The following XKR9 variants were observed in gnomAD, a reference collection of about 807,000 sequenced individuals.
XKR9 encodes the protein XK related 9.
A neutral mutation model predicts 32.0 loss-of-function variants in XKR9; 32 were observed. The ratio of observed to expected loss-of-function variants is 1.00; its 90% CI spans 0.76 to 1.34. The LOEUF (loss-of-function observed/expected upper bound fraction) is 1.34. Among genes scored for constraint, XKR9 ranks in the 40% most tolerant of loss-of-function variants. The pLI, the probability that XKR9 is intolerant of heterozygous loss-of-function variation, is 0.00. For missense variants in XKR9, 546 were observed against 429.7 expected (o/e 1.27, Z -2.39); for synonymous variants, 168 against 143.4 (o/e 1.17, Z -1.22).
intron 2 of XKR9, among the ~76,000 whole-genome samples, chr8:70,679,472 A>G (rs932621511): frequency 2.0e-5 from 3 of 152,192 alleles, no homozygotes; most frequent in African/African-American, 7.2e-5. Flanking sequence ...TGAAAAGAAT[A>G]CATCTAGGGA....
chr8:70,837,334 T>C, the XKR9 span, among the ~76,000 whole-genome samples: 2 of 152,116 alleles, frequency 1.3e-5, no homozygotes, highest in East Asian at 3.8e-4. Flanking sequence ...CACAGCTTTT[T>C]GGGTTTAAGA....
At chr8:70,952,846 G>A in the XKR9 span, among the ~76,000 whole-genome samples, 1 of 152,336 alleles carries the variant, frequency 6.6e-6, no homozygotes, top group East Asian at 1.9e-4. Context: ...TACTCAAAGT[G>A]TGGCCTGAGA....
At chr8:70,808,310 A>G in the XKR9 span, among the ~76,000 whole-genome samples, 1 of 152,180 alleles carries the variant, frequency 6.6e-6, no homozygotes, top group Admixed American at 6.5e-5. Context: ...CCACATCAGA[A>G]AGCTAAAAAA....
At chr8:70,744,315 A>T (rs1475226206) in intron 2 of XKR9, among the ~76,000 whole-genome samples, 1 of 152,168 alleles carries the variant, frequency 6.6e-6, no homozygotes, top group Non-Finnish European at 1.5e-5. Flanking sequence ...CGCCTCAAAA[A>T]AAAAAAATCT....
chr8:70,698,993 G>C (rs1393267217), intron 3 of XKR9, among the ~76,000 whole-genome samples: 1 of 152,082 alleles, frequency 6.6e-6, no homozygotes, highest in Non-Finnish European at 1.5e-5. Flanking sequence ...TTTTATCAGA[G>C]ACTAGGATTG....
chr8:70,818,792 G>C, the XKR9 span, among the ~76,000 whole-genome samples: 1 of 152,166 alleles, frequency 6.6e-6, no homozygotes, highest in African/African-American at 2.4e-5. Context: ...GTCATTACTA[G>C]GGAATTGGGT....
the XKR9 span, among the ~76,000 whole-genome samples, chr8:70,797,696 C>T: frequency 6.6e-6 from 1 of 152,030 alleles, no homozygotes; most frequent in East Asian, 1.9e-4. Context: ...TTTCCATCTT[C>T]ACTCCCCTAA....
At chr8:70,795,794 G>T in the XKR9 span, among the ~76,000 whole-genome samples, 1 of 152,016 alleles carries the variant, frequency 6.6e-6, no homozygotes, top group East Asian at 1.9e-4. Flanking sequence ...TTTGAAAACT[G>T]TCTGTTCATG....
At chr8:70,880,939 C>T in the XKR9 span, among the ~76,000 whole-genome samples, 3 of 152,166 alleles carry the variant, frequency 2.0e-5, no homozygotes, top group African/African-American at 7.2e-5. Flanking sequence ...TCAAATGGAA[C>T]AGAACCGAGG....
chr8:70,962,799 C>G, the XKR9 span, among the ~76,000 whole-genome samples: 1 of 152,148 alleles, frequency 6.6e-6, no homozygotes, highest in African/African-American at 2.4e-5. Flanking sequence ...ATTTCTCTGT[C>G]TCTCATTCTT....
intron 3 of XKR9, among the ~76,000 whole-genome samples, chr8:70,695,826 C>T (rs1805250771): frequency 6.8e-6 from 1 of 147,932 alleles, no homozygotes; most frequent in African/African-American, 2.5e-5. Flanking sequence ...TCTCCACATC[C>T]TCTCCAGCAC....
the XKR9 span, among the ~76,000 whole-genome samples, chr8:71,017,587 G>A: frequency 6.6e-6 from 1 of 152,144 alleles, no homozygotes; most frequent in South Asian, 2.1e-4. Context: ...CAACTCTAAG[G>A]GGTGTTGATG....
At chr8:70,847,778 T>C in the XKR9 span, among the ~76,000 whole-genome samples, 10 of 151,936 alleles carry the variant, frequency 6.6e-5, no homozygotes, top group South Asian at 1.9e-3. Context: ...CATGAAGAAA[T>C]AGAAAACCTC....
At chr8:71,033,762 T>C in the XKR9 span, among the ~76,000 whole-genome samples, 15 of 152,156 alleles carry the variant, frequency 9.9e-5, no homozygotes, top group African/African-American at 3.6e-4. Flanking sequence ...TCCTTCCACT[T>C]TCTGCCATGA....
the XKR9 span, among the ~76,000 whole-genome samples, chr8:71,010,644 C>T: frequency 1.3e-5 from 2 of 152,046 alleles, no homozygotes; most frequent in African/African-American, 2.4e-5. Flanking sequence ...ACATGGACCC[C>T]GATTCTATTG....
At chr8:70,976,279 G>C in the XKR9 span, among the ~76,000 whole-genome samples, 1 of 152,162 alleles carries the variant, frequency 6.6e-6, no homozygotes, top group African/African-American at 2.4e-5. Flanking sequence ...GGAGTGATGA[G>C]AGAGGGCATC....
chr8:70,900,325 C>T, the XKR9 span, among the ~76,000 whole-genome samples: 3 of 152,088 alleles, frequency 2.0e-5, no homozygotes, highest in African/African-American at 4.8e-5. Flanking sequence ...GTGCAGTGCT[C>T]GCGCTTGTAA....
chr8:70,890,266 GACTC>G, the XKR9 span, among the ~76,000 whole-genome samples: 1 of 151,838 alleles, frequency 6.6e-6, no homozygotes, highest in Non-Finnish European at 1.5e-5. Context: ...TTGACAATTT[GACTC>G]ACTCCTTTCC....
chr8:70,990,747 GAGAGAGAGAGAGAGAGAGAGAA>G, the XKR9 span, among the ~76,000 whole-genome samples: 1 of 151,610 alleles, frequency 6.6e-6, no homozygotes, highest in African/African-American at 2.4e-5. Flanking sequence ...GAGAGAGAGA[GAGAGAGAGAGAGAGAGAGAGAA>G]AGAGAGAGAG....
Sources: allele counts gnomAD v4.1 joint callset (sites outside exome capture counted in the v4.1 genomes callset), GRCh38; gene constraint gnomAD v4.1.1; transcripts MANE v1.5; gene names NCBI Gene and HGNC (gene_info 2026-07-23, HGNC 2026-07-21).